Variants in PCDH9 observed in about 807,000 individuals in gnomAD.
PCDH9 encodes the protein protocadherin 9.
Under a neutral mutation model 70.6 loss-of-function variants are expected in PCDH9, and 24 were observed. The ratio of observed to expected loss-of-function variants is 0.34; its 90% CI spans 0.25 to 0.48. The LOEUF is 0.48. Among genes scored for constraint, PCDH9 ranks in the 20% least tolerant of loss-of-function variants. PCDH9 has a pLI of 0.99. For missense variants in PCDH9, 1,281 were observed against 1,503.6 expected, an observed-to-expected ratio of 0.85 and a Z score of 2.45; for synonymous variants, 562 against 558.5, an observed-to-expected ratio of 1.01 and a Z score of -0.09.
At chr13:66,329,311 A>T (rs555536781) in intron 4 of PCDH9, among the ~76,000 whole-genome samples, 9 of 152,310 alleles carry the variant, frequency 5.9e-5, no homozygotes, top group African/African-American at 2.2e-4. Context: ...TTTTACTGAG[A>T]TCTAGGAAAA....
intron 2 of PCDH9, among the ~76,000 whole-genome samples, chr13:67,115,452 T>C (rs1594532480): frequency 6.6e-6 from 1 of 152,336 alleles, no homozygotes; most frequent in South Asian, 2.1e-4. Flanking sequence ...CTCTGCCTGC[T>C]ATCTCTGGAC....
At chr13:66,763,763 T>C (rs2139256397) in intron 3 of PCDH9, among the ~76,000 whole-genome samples, 1 of 152,152 alleles carries the variant, frequency 6.6e-6, no homozygotes, top group East Asian at 1.9e-4. Context: ...TTTTTAATAG[T>C]ATACCTTCAC....
At chr13:66,617,352 G>A (rs2077368647) in intron 4 of PCDH9, among the ~76,000 whole-genome samples, 1 of 152,126 alleles carries the variant, frequency 6.6e-6, no homozygotes, top group Non-Finnish European at 1.5e-5. Context: ...CTTTCTAGAT[G>A]GGTAGCCATC....
At chr13:66,382,087 T>C (rs1036960952) in intron 4 of PCDH9, among the ~76,000 whole-genome samples, 1 of 152,164 alleles carries the variant, frequency 6.6e-6, no homozygotes, top group African/African-American at 2.4e-5. Context: ...TATATAAAGA[T>C]GAAAAAGGGT....
intron 3 of PCDH9, among the ~76,000 whole-genome samples, chr13:66,769,262 G>A (rs902398909): frequency 1.6e-4 from 25 of 152,040 alleles, no homozygotes; most frequent in Middle Eastern, 3.2e-3. Context: ...ATTAAGAGGA[G>A]GCCCTAACAA....
chr13:66,843,335 G>A (rs1254266528), intron 3 of PCDH9, among the ~76,000 whole-genome samples: 1 of 127,752 alleles, frequency 7.8e-6, no homozygotes, highest in East Asian at 2.4e-4. Flanking sequence ...GAAGTATTCA[G>A]CTACACACAT....
chr13:67,226,723 G>A lies in PCDH9; in HGVS notation c.1718C>T (p.Thr573Ile). The A allele has an allele frequency of 6.2e-7, 1 of 1,614,134 alleles. No homozygotes were observed. Among genetic ancestry groups the A allele is most frequent in the Non-Finnish European group, 8.5e-7 (1 of 1,179,998 alleles). The change falls in exon 2 of 5, where the codon ACT (threonine) becomes ATT (isoleucine). Residue 573 changes from threonine to isoleucine, a missense_variant. Thr to Ile is a moderately conservative substitution (Grantham distance 89, BLOSUM62 -1). Transcript: ENST00000377865. The surrounding 1 kb of genome is among the most constrained non-coding windows in gnomAD (Gnocchi z 5.0). ...CACAAAAAATTGAAAATGATTATGA[G>A]TAAACTTGGGGCTATTGTCATTCTC... Reference protein sequence around the residue: ...LDENDNSPKFTHNHFQFFVSE... With the variant: ...LDENDNSPKFIHNHFQFFVSE...
At chr13:66,617,433 CT>C (rs1566458477) in intron 4 of PCDH9, among the ~76,000 whole-genome samples, 1 of 152,094 alleles carries the variant, frequency 6.6e-6, no homozygotes. Context: ...TTTCTTTTTC[CT>C]TTCTTCTCTT....
At chr13:66,884,247 T>G (rs1276404626) in intron 3 of PCDH9, among the ~76,000 whole-genome samples, 5 of 152,170 alleles carry the variant, frequency 3.3e-5, no homozygotes, top group African/African-American at 1.2e-4. Flanking sequence ...TTTCTGGTCA[T>G]TATTTAAGAT....
chr13:66,329,861 C>T (rs913481744), intron 4 of PCDH9, among the ~76,000 whole-genome samples: 1 of 151,938 alleles, frequency 6.6e-6, no homozygotes, highest in African/African-American at 2.4e-5. Flanking sequence ...CATAGCTTAG[C>T]CAAAATCTAC....
intron 2 of PCDH9, among the ~76,000 whole-genome samples, chr13:67,119,266 G>T (rs749180427): frequency 6.6e-6 from 1 of 151,898 alleles, no homozygotes. Context: ...GATCTTAGCC[G>T]GGATTTAAAT....
intron 2 of PCDH9, among the ~76,000 whole-genome samples, chr13:67,067,278 T>G (rs1465888143): frequency 6.6e-6 from 1 of 152,208 alleles, no homozygotes; most frequent in Non-Finnish European, 1.5e-5. Context: ...TATATAATTT[T>G]TAATACTAAC....
chr13:67,134,156 C>T (rs755304021), intron 2 of PCDH9, among the ~76,000 whole-genome samples: 2 of 151,984 alleles, frequency 1.3e-5, no homozygotes, highest in African/African-American at 2.4e-5. Context: ...TGCAAGTCAG[C>T]GTTGACAAAA....
intron 2 of PCDH9, among the ~76,000 whole-genome samples, chr13:67,188,459 T>A (rs921580008): frequency 1.3e-5 from 2 of 152,108 alleles, no homozygotes; most frequent in Admixed American, 6.6e-5. Context: ...TTAATTGGCA[T>A]GGGAGGTATA....
rs1959188252 is a variant in PCDH9, at chr13:66,503,539, A to G, written c.3340+127671T>C. On this transcript the variant is annotated intron_variant, in intron 4 of 4. Transcript: ENST00000377865. ...AATGACATGTTCTTTCATTTTTTGT[A>G]AAAGAGAGCATGAAAGATATTGAGT... 7.2e-5 allele frequency among the ~76,000 whole-genome samples: 11 copies of G among 152,192 alleles called. No homozygotes were observed. The South Asian group carries it at 2.1e-3, about 29-fold the overall frequency.
intron 3 of PCDH9, among the ~76,000 whole-genome samples, chr13:66,817,893 G>A (rs984776579): frequency 2.0e-5 from 3 of 152,186 alleles, no homozygotes; most frequent in African/African-American, 7.2e-5. Flanking sequence ...CTTCCAAAGT[G>A]CTGGGATTAC....
chr13:67,049,269 C>T (rs1310183507), intron 2 of PCDH9, among the ~76,000 whole-genome samples: 1 of 152,144 alleles, frequency 6.6e-6, no homozygotes, highest in East Asian at 1.9e-4. Flanking sequence ...ATCTTGAGCA[C>T]ATCATTTATA....
In PCDH9 at chr13:66,781,608, C is replaced by A. The variant is rs999414082; in HGVS notation, c.3138+121896G>T. Among the ~76,000 whole-genome samples the A allele has an allele frequency of 5.9e-5, 9 of 152,248 alleles. 1 individual carries two copies. The South Asian group carries it at 1.9e-3, about 32-fold the overall frequency. On this transcript the variant is annotated intron_variant, in intron 3 of 4. Coordinates refer to ENST00000377865, the MANE Select transcript of PCDH9 (RefSeq NM_203487.3). ...AGAAAATTTAAAAGTACACATTAGG[C>A]TTATATGATCTTGCATTCTTACATG...
chr13:66,693,121 T>A (rs2078511538), intron 3 of PCDH9, among the ~76,000 whole-genome samples: 1 of 152,124 alleles, frequency 6.6e-6, no homozygotes. Context: ...TTATTCCACG[T>A]TCTATCCTAA....
Sources: allele counts gnomAD v4.1 joint callset (sites outside exome capture counted in the v4.1 genomes callset), GRCh38; gene constraint gnomAD v4.1.1; non-coding constraint Gnocchi (gnomAD v3.1); transcripts MANE v1.5; gene names NCBI Gene and HGNC (gene_info 2026-07-23, HGNC 2026-07-21).